SLC24A3: variants seen among roughly 807,000 people sequenced by gnomAD.
The protein encoded by SLC24A3 is sodium/potassium/calcium exchanger 3.
In SLC24A3, 28 loss-of-function variants were observed where a neutral mutation model predicts 75.8. The observed-to-expected ratio is 0.37, with a 90% CI of 0.27 to 0.51. SLC24A3 has a LOEUF of 0.51. Among genes scored for constraint, SLC24A3 ranks in the 20% least tolerant of loss-of-function variants. SLC24A3 has a pLI of 0.94. For missense variants in SLC24A3, 663 were observed against 847.8 expected (o/e 0.78, Z 2.71); for synonymous variants, 372 against 334.1 (o/e 1.11, Z -1.24).
intron 3 of SLC24A3, among the ~76,000 whole-genome samples, chr20:19,537,299 G>A (rs2030416706): frequency 2.0e-5 from 3 of 152,236 alleles, no homozygotes; most frequent in Admixed American, 2.0e-4. Flanking sequence ...CCGGCCATCA[G>A]AGAAATGCAA....
chr20:19,680,391 A>G (rs1259268045), intron 9 of SLC24A3, among the ~76,000 whole-genome samples: 2 of 152,128 alleles, frequency 1.3e-5, no homozygotes, highest in East Asian at 3.9e-4. Flanking sequence ...GTAAAGTTCC[A>G]TCACCAGGAG....
chr20:19,636,711 C>T (rs2032006999), intron 6 of SLC24A3, among the ~76,000 whole-genome samples: 1 of 152,144 alleles, frequency 6.6e-6, no homozygotes, highest in South Asian at 2.1e-4. Context: ...CTGCAAAGAA[C>T]ACTCACACTA....
chr20:19,637,169 T>C (rs2032012056), intron 6 of SLC24A3, among the ~76,000 whole-genome samples: 1 of 152,176 alleles, frequency 6.6e-6, no homozygotes, highest in Admixed American at 6.5e-5. Flanking sequence ...GACATGGCGG[T>C]GCATGCCTGT....
chr20:19,522,904 A>G (rs1311239937), intron 3 of SLC24A3, among the ~76,000 whole-genome samples: 2 of 152,158 alleles, frequency 1.3e-5, no homozygotes, highest in Non-Finnish European at 2.9e-5. Context: ...ATCACCTCAC[A>G]TTCTTACTTA....
chr20:19,443,070 C>A (rs972268154), intron 2 of SLC24A3, among the ~76,000 whole-genome samples: 1 of 152,158 alleles, frequency 6.6e-6, no homozygotes, highest in Non-Finnish European at 1.5e-5. Flanking sequence ...AGAAATATCA[C>A]ATTATCTTGA....
chr20:19,693,226 T>A, intron 12 of SLC24A3, 33 bp from the exon 13 acceptor site: 1 of 1,586,392 alleles, frequency 6.3e-7, no homozygotes, highest in Non-Finnish European at 8.5e-7. Flanking sequence ...TTATTTTTTT[T>A]TTATTTCTTT....
At chr20:19,525,905 G>A (rs2030190928) in intron 3 of SLC24A3, among the ~76,000 whole-genome samples, 1 of 152,186 alleles carries the variant, frequency 6.6e-6, no homozygotes, top group Non-Finnish European at 1.5e-5. Flanking sequence ...TGCCTCACGA[G>A]GGTCCTCTGG....
chr20:19,280,066 A>G (rs1983614455), intron 1 of SLC24A3, among the ~76,000 whole-genome samples: 1 of 152,190 alleles, frequency 6.6e-6, no homozygotes, highest in Non-Finnish European at 1.5e-5. Context: ...AAGAAGCAGG[A>G]GTATCCCTTC....
At chr20:19,319,333 A>G (rs1290925173) in intron 2 of SLC24A3, among the ~76,000 whole-genome samples, 8 of 152,240 alleles carry the variant, frequency 5.3e-5, no homozygotes, top group Admixed American at 5.2e-4. Flanking sequence ...TGCCTTATAC[A>G]TAAATCAGTG....
chr20:19,393,690 T>C (rs2122392630), intron 2 of SLC24A3, among the ~76,000 whole-genome samples: 1 of 152,268 alleles, frequency 6.6e-6, no homozygotes, highest in East Asian at 1.9e-4. Context: ...CTACAAAATG[T>C]TGATGAAAGA....
chr20:19,601,559 G>A (rs1040972812), intron 6 of SLC24A3, among the ~76,000 whole-genome samples: 2 of 152,160 alleles, frequency 1.3e-5, no homozygotes, highest in African/African-American at 4.8e-5. Context: ...ACAAAACCAG[G>A]GAAGTCACCA....
At chr20:19,340,586 C>T (rs527913512) in intron 2 of SLC24A3, among the ~76,000 whole-genome samples, 1 of 152,272 alleles carries the variant, frequency 6.6e-6, no homozygotes, top group East Asian at 1.9e-4. Context: ...TCCACCATCC[C>T]CACAGCCTGG....
chr20:19,385,065 A>G (rs2122378911), intron 2 of SLC24A3, among the ~76,000 whole-genome samples: 1 of 152,226 alleles, frequency 6.6e-6, no homozygotes, highest in African/African-American at 2.4e-5. Context: ...TATGGCTTGC[A>G]AATATTTTTT....
intron 6 of SLC24A3, among the ~76,000 whole-genome samples, chr20:19,606,613 A>G (rs2031600879): frequency 1.3e-5 from 2 of 152,184 alleles, no homozygotes; most frequent in Admixed American, 1.3e-4. Flanking sequence ...GCATAAATAT[A>G]AATAGGAAGC....
At chr20:19,579,827 A>G (rs2031193515) in intron 3 of SLC24A3, among the ~76,000 whole-genome samples, 173 bp from the exon 4 acceptor site, 1 of 152,216 alleles carries the variant, frequency 6.6e-6, no homozygotes. Flanking sequence ...AACATCAGAG[A>G]GAAAGCTGGG....
chr20:19,475,098 G>A (rs1003136804), intron 2 of SLC24A3, among the ~76,000 whole-genome samples: 20 of 152,224 alleles, frequency 1.3e-4, no homozygotes, highest in African/African-American at 4.6e-4. Flanking sequence ...CAGCACTTTC[G>A]GAGGCCGAGG....
At chr20:19,646,043 A>G (rs1026955717) in intron 6 of SLC24A3, among the ~76,000 whole-genome samples, 4 of 152,132 alleles carry the variant, frequency 2.6e-5, no homozygotes, top group African/African-American at 7.2e-5. Context: ...CAACGAGAGT[A>G]AGGCCCTGTC....
chr20:19,622,826 T>C (rs1029167433), intron 6 of SLC24A3, among the ~76,000 whole-genome samples: 2 of 152,116 alleles, frequency 1.3e-5, no homozygotes, highest in Non-Finnish European at 2.9e-5. Context: ...AGCATCTGCT[T>C]GTGGTGAGGG....
At chr20:19,399,972 T>G (rs1221390674) in intron 2 of SLC24A3, among the ~76,000 whole-genome samples, 1 of 152,240 alleles carries the variant, frequency 6.6e-6, no homozygotes, top group Non-Finnish European at 1.5e-5. Flanking sequence ...TTTTCTCAGA[T>G]AGTGTGGTTT....
Sources: allele counts gnomAD v4.1 joint callset (sites outside exome capture counted in the v4.1 genomes callset), GRCh38; gene constraint gnomAD v4.1.1; transcripts MANE v1.5; gene names NCBI Gene and HGNC (gene_info 2026-07-23, HGNC 2026-07-21).